COL28A1: variants seen among roughly 807,000 people sequenced by gnomAD.
COL28A1 encodes collagen type XXVIII alpha 1 chain, also known as collagen alpha-1(XXVIII) chain.
COL28A1 carries 161 observed loss-of-function variants against 150.2 expected under a neutral mutation model. The ratio of observed to expected loss-of-function variants is 1.07; its 90% CI spans 0.94 to 1.22. The LOEUF is 1.22. Among genes scored for constraint, COL28A1 ranks in the 50% most tolerant of loss-of-function variants. The pLI, the probability that COL28A1 is intolerant of heterozygous loss-of-function variation, is 0.00. For missense variants in COL28A1, 1,617 were observed against 1,388.3 expected (o/e 1.16, Z -2.62); for synonymous variants, 552 against 469.7 (o/e 1.18, Z -2.26).
intron 25 of COL28A1, chr7:7,420,436 A>C (rs1436044332): frequency 6.6e-6 from 1 of 152,410 alleles, no homozygotes; most frequent in Non-Finnish European, 1.5e-5. Flanking sequence ...CATAGCTGGC[A>C]ACTATTACCA....
chr7:7,346,664 T>C, the COL28A1 span, among the ~76,000 whole-genome samples: 13 of 152,100 alleles, frequency 8.5e-5, no homozygotes, highest in Non-Finnish European at 1.5e-4. Context: ...TAGTCATTGA[T>C]CTGAGAGATC....
At chr7:7,445,333 G>T (rs1306899429) in intron 18 of COL28A1, among the ~76,000 whole-genome samples, 6 of 152,164 alleles carry the variant, frequency 3.9e-5, no homozygotes, top group African/African-American at 1.4e-4. Flanking sequence ...GCTAGGCAAG[G>T]CATGCCAAGG....
chr7:7,403,528 T>G (rs1195017075), intron 27 of COL28A1, among the ~76,000 whole-genome samples: 3 of 152,200 alleles, frequency 2.0e-5, no homozygotes, highest in African/African-American at 7.2e-5. Context: ...CATTCCAGAA[T>G]GTTTGTTAAT....
At chr7:7,507,058 G>C in intron 10 of COL28A1, 59 bp downstream of exon 10, 2 of 844,096 alleles carry the variant, frequency 2.4e-6, no homozygotes, top group South Asian at 1.4e-5. Context: ...CAAGGGGATG[G>C]TTTAAAAACT....
chr7:7,497,012 C>T (rs888932597), intron 11 of COL28A1, among the ~76,000 whole-genome samples: 1 of 140,118 alleles, frequency 7.1e-6, no homozygotes, highest in African/African-American at 2.6e-5. Context: ...TCAAGAAAGC[C>T]TCCTTTTGGA....
intron 32 of COL28A1, among the ~76,000 whole-genome samples, chr7:7,372,203 T>C (rs372638611): frequency 6.6e-6 from 1 of 151,744 alleles, no homozygotes; most frequent in South Asian, 2.1e-4. Flanking sequence ...ATCGAAACCA[T>C]CCTGGCTAAC....
chr7:7,509,072 G>A (rs1316280155), intron 9 of COL28A1, among the ~76,000 whole-genome samples: 6 of 152,066 alleles, frequency 3.9e-5, no homozygotes, highest in African/African-American at 1.4e-4. Flanking sequence ...GACCTCTGAT[G>A]ACCTGCCCAC....
chr7:7,540,714 T>C (rs1236484931), upstream of COL28A1, among the ~76,000 whole-genome samples: 1 of 152,190 alleles, frequency 6.6e-6, no homozygotes, highest in African/African-American at 2.4e-5. Context: ...TAGTGGCAAA[T>C]GGCTCAGAAC....
chr7:7,472,294 C>G (rs2128348422), intron 15 of COL28A1, among the ~76,000 whole-genome samples: 1 of 152,162 alleles, frequency 6.6e-6, no homozygotes, highest in African/African-American at 2.4e-5. Flanking sequence ...CAGAAAGCTC[C>G]TAGAATTGAT....
intron 27 of COL28A1, among the ~76,000 whole-genome samples, chr7:7,409,490 T>G (rs1228549497): frequency 6.6e-6 from 1 of 152,172 alleles, no homozygotes; most frequent in Non-Finnish European, 1.5e-5. Context: ...CAGCAGCATG[T>G]GTACCATAAT....
chr7:7,531,929 C>A (rs766835660), intron 2 of COL28A1, 25 bp from the exon 3 acceptor site: 2 of 1,425,710 alleles, frequency 1.4e-6, no homozygotes, highest in South Asian at 1.2e-5. Flanking sequence ...ACAGGTTAGG[C>A]AAAATAATTA....
chr7:7,413,074 T>C (rs1783874661), intron 27 of COL28A1, among the ~76,000 whole-genome samples: 1 of 152,138 alleles, frequency 6.6e-6, no homozygotes, highest in African/African-American at 2.4e-5. Flanking sequence ...GTCTCAGAGG[T>C]TGATCTGTTA....
At chr7:7,444,726 T>C (rs1450138914) in intron 18 of COL28A1, among the ~76,000 whole-genome samples, 2 of 152,204 alleles carry the variant, frequency 1.3e-5, no homozygotes, top group Non-Finnish European at 2.9e-5. Context: ...TAACTCTTTG[T>C]ACCTGTGAAT....
downstream of COL28A1, chr7:7,356,531 A>C (rs961158664): frequency 1.3e-5 from 2 of 152,194 alleles, no homozygotes; most frequent in Admixed American, 6.5e-5. Context: ...TGATGAGTTC[A>C]TGTCCTTTGT....
intron 11 of COL28A1, among the ~76,000 whole-genome samples, chr7:7,503,593 G>A (rs1780650736): frequency 6.6e-6 from 1 of 152,154 alleles, no homozygotes; most frequent in Non-Finnish European, 1.5e-5. Context: ...AGCTTATTAT[G>A]TCTTCAAAGT....
intron 11 of COL28A1, among the ~76,000 whole-genome samples, chr7:7,498,798 G>GCC (rs1162210304): frequency 6.6e-6 from 1 of 152,058 alleles, no homozygotes; most frequent in Non-Finnish European, 1.5e-5. Flanking sequence ...CCATTTTAGT[G>GCC]CCCCCTTTGA....
intron 33 of COL28A1, among the ~76,000 whole-genome samples, chr7:7,367,932 T>A (rs1436062081): frequency 1.3e-5 from 2 of 151,614 alleles, no homozygotes; most frequent in Non-Finnish European, 1.5e-5. Flanking sequence ...TCCCTCTCCC[T>A]CACCTCCAAT....
intron 25 of COL28A1, among the ~76,000 whole-genome samples, chr7:7,425,162 C>T (rs557148907): frequency 3.1e-4 from 47 of 152,252 alleles, no homozygotes; most frequent in African/African-American, 1.0e-3. Context: ...TCAACATCAA[C>T]TTATTCCATT....
At chr7:7,511,166 G>T (rs1333946641) in intron 8 of COL28A1, 31 bp from the exon 9 acceptor site, 5 of 1,531,362 alleles carry the variant, frequency 3.3e-6, no homozygotes, top group South Asian at 1.1e-5. Flanking sequence ...ATAAATAAGA[G>T]AACACTTGCA....
Sources: gnomAD v4.1 joint callset for allele counts (sites outside exome capture counted in the v4.1 genomes callset) on GRCh38, gnomAD v4.1.1 for gene constraint, MANE v1.5 for transcripts, NCBI Gene and HGNC (gene_info 2026-07-23, HGNC 2026-07-21) for gene names.